TSPAN12: variants seen among roughly 807,000 people sequenced by gnomAD.
TSPAN12 encodes tetraspanin 12, also known as tetraspanin-12.
A neutral mutation model predicts 39.2 loss-of-function variants in TSPAN12; 19 were observed. The observed-to-expected ratio is 0.49, with a 90% CI of 0.34 to 0.71. The LOEUF is 0.71. Ranked by LOEUF, TSPAN12 falls within the 30% of genes least tolerant of loss-of-function variation. The probability of loss-of-function intolerance (pLI) is 0.01; values close to 1 mark genes in which losing one functional copy is unlikely to be tolerated. For missense variants in TSPAN12, 314 were observed against 359.9 expected (o/e 0.87, Z 1.03); for synonymous variants, 119 against 124.8 (o/e 0.95, Z 0.31).
intron 7 of TSPAN12, among the ~76,000 whole-genome samples, chr7:120,805,253 G>C (rs772541607): frequency 1.3e-5 from 2 of 151,942 alleles, no homozygotes; most frequent in Non-Finnish European, 2.9e-5. Context: ...TGAATATAAT[G>C]GATCACTTGT....
chr7:120,846,112 G>C (rs560184640), intron 2 of TSPAN12, among the ~76,000 whole-genome samples: 2 of 152,240 alleles, frequency 1.3e-5, no homozygotes, highest in African/African-American at 4.8e-5. Context: ...AGAGAGAGAA[G>C]GGGGAGGTGC....
At chr7:120,808,458 T>C (rs568486928) in intron 6 of TSPAN12, among the ~76,000 whole-genome samples, 1 of 152,182 alleles carries the variant, frequency 6.6e-6, no homozygotes, top group East Asian at 1.9e-4. Flanking sequence ...TACTTTAATA[T>C]CATATTGTGA....
chr7:120,841,457 T>C (rs980334466), intron 2 of TSPAN12, among the ~76,000 whole-genome samples: 17 of 152,194 alleles, frequency 1.1e-4, no homozygotes, highest in African/African-American at 3.4e-4. Context: ...GAAACTCTTA[T>C]AGGTTAAAAT....
intron 7 of TSPAN12, among the ~76,000 whole-genome samples, chr7:120,803,445 CAT>C (rs1208853174): frequency 3.3e-5 from 5 of 152,264 alleles, no homozygotes; most frequent in Non-Finnish European, 5.9e-5. Context: ...AATTAGGAAA[CAT>C]ATGTTCTCCA....
intron 7 of TSPAN12, among the ~76,000 whole-genome samples, chr7:120,802,698 G>C (rs937422045): frequency 5.3e-5 from 8 of 152,106 alleles, no homozygotes; most frequent in Non-Finnish European, 1.2e-4. Flanking sequence ...GAGTGAATGT[G>C]ATAGATCCAA....
intron 7 of TSPAN12, among the ~76,000 whole-genome samples, chr7:120,792,862 G>T (rs1793558302): frequency 6.6e-6 from 1 of 152,166 alleles, no homozygotes; most frequent in African/African-American, 2.4e-5. Flanking sequence ...TATAAGACAT[G>T]CAAAGAAACA....
At chr7:120,835,603 G>T (rs141972483) in intron 4 of TSPAN12, among the ~76,000 whole-genome samples, 68 of 152,130 alleles carry the variant, frequency 4.5e-4, no homozygotes, top group Middle Eastern at 3.4e-3. Flanking sequence ...AATAATAAGG[G>T]TAATTCAAAG....
chr7:120,815,937 T>C (rs1377393874), intron 4 of TSPAN12, 134 bp from the exon 5 acceptor site: 3 of 718,532 alleles, frequency 4.2e-6, no homozygotes, highest in Non-Finnish European at 7.2e-6. Flanking sequence ...CAGAAGCAGA[T>C]GGGGAAATTA....
At chr7:120,802,414 T>C (rs1793791974) in intron 7 of TSPAN12, among the ~76,000 whole-genome samples, 1 of 152,164 alleles carries the variant, frequency 6.6e-6, no homozygotes, top group African/African-American at 2.4e-5. Context: ...TAACAATCTA[T>C]CTTAAGTAAC....
At chr7:120,853,610 C>A (rs868688577) in intron 2 of TSPAN12, among the ~76,000 whole-genome samples, 3 of 150,186 alleles carry the variant, frequency 2.0e-5, no homozygotes, top group Non-Finnish European at 3.0e-5. Flanking sequence ...CACAGTGGCT[C>A]ACACCTGTAA....
chr7:120,807,696 C>T (rs77545087), intron 6 of TSPAN12, among the ~76,000 whole-genome samples: 12 of 151,898 alleles, frequency 7.9e-5, no homozygotes, highest in African/African-American at 2.2e-4. Context: ...TGAAGAATTC[C>T]GAACTTCTCA....
At chr7:120,827,173 G>A (rs529833765) in intron 4 of TSPAN12, among the ~76,000 whole-genome samples, 21 of 151,614 alleles carry the variant, frequency 1.4e-4, no homozygotes, top group Non-Finnish European at 2.6e-4. Context: ...GTCTGCAAAA[G>A]TATCTCCTTC....
At chr7:120,828,553 G>T (rs1375358266) in intron 4 of TSPAN12, among the ~76,000 whole-genome samples, 1 of 151,284 alleles carries the variant, frequency 6.6e-6, no homozygotes, top group Non-Finnish European at 1.5e-5. Flanking sequence ...ACTGCCCCTT[G>T]CCCTTCTCCA....
intron 4 of TSPAN12, among the ~76,000 whole-genome samples, chr7:120,825,526 T>C (rs966956438): frequency 2.0e-5 from 3 of 152,218 alleles, no homozygotes; most frequent in Non-Finnish European, 4.4e-5. Context: ...AACAAAAAGT[T>C]TGATGAAAGG....
intron 7 of TSPAN12, among the ~76,000 whole-genome samples, 159 bp downstream of exon 7, chr7:120,806,390 T>A (rs1361989369): frequency 6.6e-6 from 1 of 152,142 alleles, no homozygotes; most frequent in Admixed American, 6.6e-5. Flanking sequence ...TTTTATATTG[T>A]TTTTTAGCTT....
rs532500214 is a variant in TSPAN12, at chr7:120,831,332, A to T, written c.285+7445T>A. On this transcript the variant is annotated intron_variant, in intron 4 of 7. Transcript: ENST00000222747. ...CGAAATGAATAGGAATGCCACAGAG[A>T]TATCTGTATTCTCATGTTCATTCCA... 4.6e-5 allele frequency among the ~76,000 whole-genome samples: 7 copies of T among 152,214 alleles called. No homozygotes were observed. In the South Asian group the frequency reaches 1.2e-3, roughly 27 times the overall value.
chr7:120,849,798 T>C (rs373878130), intron 2 of TSPAN12, among the ~76,000 whole-genome samples: 21 of 152,370 alleles, frequency 1.4e-4, no homozygotes, highest in African/African-American at 3.4e-4. Flanking sequence ...TCATAGCTCA[T>C]TGCACCTGGA....
chr7:120,833,887 G>A (rs1335164455), intron 4 of TSPAN12, among the ~76,000 whole-genome samples: 1 of 152,068 alleles, frequency 6.6e-6, no homozygotes, highest in Non-Finnish European at 1.5e-5. Flanking sequence ...CTAAAGCCTT[G>A]GGAAGTAACC....
chr7:120,846,432 C>T (rs977326455), intron 2 of TSPAN12, among the ~76,000 whole-genome samples: 5 of 152,146 alleles, frequency 3.3e-5, no homozygotes, highest in African/African-American at 7.2e-5. Flanking sequence ...AGCTTTTAGT[C>T]GTGTCAAAAC....
Sources: gnomAD v4.1 joint callset for allele counts (sites outside exome capture counted in the v4.1 genomes callset) on GRCh38, gnomAD v4.1.1 for gene constraint, MANE v1.5 for transcripts, NCBI Gene and HGNC (gene_info 2026-07-23, HGNC 2026-07-21) for gene names.